The following PRDM10 variants were observed in gnomAD, a reference collection of about 807,000 sequenced individuals.
PRDM10 encodes PR/SET domain 10, also known as PR domain zinc finger protein 10.
Under a neutral mutation model 133.1 loss-of-function variants are expected in PRDM10, and 65 were observed. The ratio of observed to expected loss-of-function variants is 0.49; its 90% CI spans 0.40 to 0.60. The LOEUF (loss-of-function observed/expected upper bound fraction) is 0.60, where lower values mean the gene tolerates loss of function less well. Among genes scored for constraint, PRDM10 ranks in the 20% least tolerant of loss-of-function variants. The probability of loss-of-function intolerance (pLI) is 0.00; values close to 1 mark genes in which losing one functional copy is unlikely to be tolerated. For synonymous variants in PRDM10, 582 were observed against 580.4 expected, an observed-to-expected ratio of 1.00 and a Z score of -0.04; for missense variants, 1,137 against 1,507.1, an observed-to-expected ratio of 0.75 and a Z score of 4.07.
At chr11:129,986,531 C>T (rs777120202) in intron 1 of PRDM10, among the ~76,000 whole-genome samples, 3 of 152,096 alleles carry the variant, frequency 2.0e-5, no homozygotes, top group Non-Finnish European at 2.9e-5. Context: ...GGACTACAGG[C>T]GTGCAGCACC....
intron 1 of PRDM10, among the ~76,000 whole-genome samples, chr11:129,980,063 T>A (rs1318924093): frequency 6.6e-6 from 1 of 152,200 alleles, no homozygotes; most frequent in Non-Finnish European, 1.5e-5. Context: ...GGCCAGGATA[T>A]GCTGAGATCA....
intron 1 of PRDM10, among the ~76,000 whole-genome samples, chr11:129,984,610 C>T (rs1938310440): frequency 6.6e-6 from 1 of 152,186 alleles, no homozygotes. Flanking sequence ...TCCCCCACAG[C>T]TCTCATCCTC....
At chr11:129,971,389 A>G (rs1952020781) in intron 1 of PRDM10, among the ~76,000 whole-genome samples, 1 of 152,084 alleles carries the variant, frequency 6.6e-6, no homozygotes, top group South Asian at 2.1e-4. Flanking sequence ...CCTGAGATAG[A>G]TACAAAGGTT....
Position 129,923,667 on chromosome 11 carries a change from A to AGAGAGAGAGAGAGG in PRDM10, c.1879-265_1879-264insCCTCTCTCTCTCTC, listed in dbSNP as rs1950585169. Among the ~76,000 whole-genome samples, 11 of 150,528 alleles carry AGAGAGAGAGAGAGG rather than the reference A, an allele frequency of 7.3e-5. No homozygotes were observed. Among genetic ancestry groups the AGAGAGAGAGAGAGG allele is most frequent in the African/African-American group, 2.5e-4 (10 of 40,646 alleles). On this transcript the variant is annotated intron_variant, in intron 12 of 20. Coordinates refer to ENST00000360871, the MANE Select transcript of PRDM10 (RefSeq NM_199437.2). The surrounding 1 kb of genome is among the most constrained non-coding windows in gnomAD (Gnocchi z 4.4). Reference sequence around the variant, plus strand: ...GTGAGAGAGAGAGAGAGAGAGAGAGAGAGAGAGAGAGAGAGAGAGAGAGAG... The same window carrying AGAGAGAGAGAGAGG: ...GTGAGAGAGAGAGAGAGAGAGAGAGAGAGAGAGAGAGAGGGAGAGAGAGAGAGAGAGAGAGAGAG...
intron 1 of PRDM10, among the ~76,000 whole-genome samples, chr11:129,997,633 C>G (rs535460478): frequency 2.0e-5 from 3 of 152,268 alleles, no homozygotes; most frequent in African/African-American, 7.2e-5. Context: ...TTCTCTTAAA[C>G]ATTTGAAAAA....
intron 2 of PRDM10, among the ~76,000 whole-genome samples, chr11:129,959,887 C>G (rs1310956609): frequency 6.6e-6 from 1 of 151,558 alleles, no homozygotes; most frequent in South Asian, 2.1e-4. Context: ...CATGACCGCA[C>G]CACTATAGGC....
intron 7 of PRDM10, among the ~76,000 whole-genome samples, chr11:129,939,086 A>G (rs1951126493): frequency 2.0e-5 from 3 of 152,014 alleles, no homozygotes; most frequent in African/African-American, 7.2e-5. Context: ...TCACATCAAA[A>G]TCGGTCCCTT....
chr11:129,955,869 G>A (rs529413555), intron 3 of PRDM10, among the ~76,000 whole-genome samples: 1 of 152,256 alleles, frequency 6.6e-6, no homozygotes, highest in East Asian at 1.9e-4. Flanking sequence ...AATTAAAAAG[G>A]CATCTCATGA....
At chr11:129,957,953 G>T in intron 2 of PRDM10, 43 bp from the exon 3 acceptor site, 1 of 1,560,788 alleles carries the variant, frequency 6.4e-7, no homozygotes, top group South Asian at 1.2e-5. Context: ...GTATCAGGAA[G>T]GTAAGTGATC....
At position 129,901,709 on chromosome 11, in the gene PRDM10, T is replaced by C. The variant is rs1045017246; in HGVS notation, c.*604A>G. On this transcript the variant is annotated 3_prime_UTR_variant, in exon 21 of 21. Coordinates refer to ENST00000360871, the MANE Select transcript of PRDM10 (RefSeq NM_199437.2). ...ACTACCAACAGCCCAACAATAGTTT[T>C]CTAAAATAGGGAAGTTAAAAAAAAT... 2 of 152,270 alleles carry C rather than the reference T, an allele frequency of 1.3e-5. No homozygotes were observed. Among genetic ancestry groups the C allele is most frequent in the Admixed American group, 6.5e-5 (1 of 15,288 alleles). The allele number at this position is 152,270 out of a possible 1,614,324, so 9.4% of individuals were successfully genotyped here. A position where few individuals can be genotyped will look rare whatever the true frequency, so the allele number is the denominator to read the frequency against.
At chr11:129,975,237 G>A (rs1265766225) in intron 1 of PRDM10, among the ~76,000 whole-genome samples, 1 of 152,100 alleles carries the variant, frequency 6.6e-6, no homozygotes, top group Non-Finnish European at 1.5e-5. Context: ...GACCAGCCTG[G>A]CAAACACAGT....
At chr11:130,000,684 T>C (rs911843491) in intron 1 of PRDM10, among the ~76,000 whole-genome samples, 4 of 152,082 alleles carry the variant, frequency 2.6e-5, no homozygotes, top group Admixed American at 2.6e-4. Context: ...GAGTGGGAGC[T>C]TACGGGGTAG....
At chr11:129,958,489 C>T (rs1158111256) in intron 2 of PRDM10, among the ~76,000 whole-genome samples, 2 of 151,814 alleles carry the variant, frequency 1.3e-5, no homozygotes, top group South Asian at 2.1e-4. Context: ...TAAAAAAATA[C>T]AAAAATTAGC....
chr11:129,984,009 C>G (rs1334387900), intron 1 of PRDM10, among the ~76,000 whole-genome samples: 1 of 152,204 alleles, frequency 6.6e-6, no homozygotes, highest in Admixed American at 6.5e-5. Flanking sequence ...GGCTCCCACG[C>G]CCATTCTGCC....
rs533758626 is a variant in PRDM10, at chr11:129,920,208, C to A, written c.2035-1490G>T. ...ATCACATAAATTTCAAAGCCTAACA[C>A]AAATACCACACCATGCTATGCACAT... On this transcript the variant is annotated intron_variant, in intron 13 of 20. Coordinates refer to ENST00000360871, the MANE Select transcript of PRDM10 (RefSeq NM_199437.2). Among the ~76,000 whole-genome samples the A allele has an allele frequency of 2.6e-5, 4 of 152,308 alleles. No homozygotes were observed. The East Asian group carries it at 7.7e-4, about 29-fold the overall frequency.
intron 18 of PRDM10, among the ~76,000 whole-genome samples, chr11:129,911,635 C>T (rs1003262383): frequency 2.6e-5 from 4 of 152,206 alleles, no homozygotes; most frequent in African/African-American, 4.8e-5. Flanking sequence ...CCTTCAAGAC[C>T]TCAAAGACCA....
chr11:129,942,756 T>A, intron 6 of PRDM10, 127 bp from the exon 7 acceptor site: 1 of 822,650 alleles, frequency 1.2e-6, no homozygotes, highest in South Asian at 1.8e-5. Context: ...TTCCTTTGTA[T>A]CTGCAAAAAT....
chr11:129,929,697 T>C (rs1433854722), intron 11 of PRDM10, among the ~76,000 whole-genome samples: 2 of 150,402 alleles, frequency 1.3e-5, no homozygotes, highest in African/African-American at 4.9e-5. Context: ...ACGGCTGGAC[T>C]GTGTTTGTGC....
chr11:129,966,603 A>G (rs1376747805), intron 1 of PRDM10, among the ~76,000 whole-genome samples: 2 of 152,258 alleles, frequency 1.3e-5, no homozygotes, highest in Non-Finnish European at 2.9e-5. Context: ...AAATTTTATT[A>G]GAGAAGCAAA....
Sources: allele counts gnomAD v4.1 joint callset (sites outside exome capture counted in the v4.1 genomes callset), GRCh38; gene constraint gnomAD v4.1.1; non-coding constraint Gnocchi (gnomAD v3.1); transcripts MANE v1.5; gene names NCBI Gene and HGNC (gene_info 2026-07-23, HGNC 2026-07-21).